Variants in GOSR2 observed in about 807,000 individuals in gnomAD.
GOSR2 encodes the protein golgi SNAP receptor complex member 2, also known as 27 kDa Golgi SNARE protein.
A neutral mutation model predicts 27.9 loss-of-function variants in GOSR2; 20 were observed. The ratio of observed to expected loss-of-function variants is 0.72; its 90% confidence interval spans 0.50 to 1.04. GOSR2 has a LOEUF of 1.04. Among genes scored for constraint, GOSR2 ranks in the 50% least tolerant of loss-of-function variants. The probability of loss-of-function intolerance (pLI) is 0.00; values close to 1 mark genes in which losing one functional copy is unlikely to be tolerated. For synonymous variants in GOSR2, 91 were observed against 98.8 expected, an observed-to-expected ratio of 0.92 and a Z score of 0.47; for missense variants, 261 against 270.5, an observed-to-expected ratio of 0.97 and a Z score of 0.25.
chr17:46,952,629 T>C (rs1042340866), intron 6 of GOSR2: 1 of 152,152 alleles, frequency 6.6e-6, no homozygotes, highest in Non-Finnish European at 1.5e-5. Flanking sequence ...ATGGCTGAGA[T>C]GGAGACATCT....
chr17:46,923,376 C>G, intron 1 of GOSR2, 155 bp downstream of exon 1: 1 of 1,470,340 alleles, frequency 6.8e-7, no homozygotes, highest in Non-Finnish European at 9.0e-7. Flanking sequence ...TAATCCTTGG[C>G]GGGACTCCCA....
Position 46,935,816 on chromosome 17 carries a change from G to T in GOSR2, c.477+647G>T, listed in dbSNP as rs933271498. On this transcript the variant is annotated intron_variant, in intron 5 of 5. Transcript: ENST00000640051. ...TTTACAGAAACATTACACAGACTCT[G>T]ATGTCAGTCATGATGTTTCAGCCTC... The T allele has an allele frequency of 7.1e-6, 7 of 985,950 alleles. No individual in the cohort carries two copies. In the South Asian group the frequency reaches 2.8e-4, roughly 40 times the overall value. 61.1% of individuals were successfully genotyped at this position (985,950 alleles called of 1,614,324 possible). A position where few individuals can be genotyped will look rare whatever the true frequency, so the allele number is the denominator to read the frequency against.
intron 1 of GOSR2, chr17:46,923,841 A>G (rs16941273): frequency 0.023 from 9,034 of 399,076 alleles, 225 homozygotes; most frequent in African/African-American, 0.083. Flanking sequence ...ATCGTCCTGC[A>G]CTTTCGGAAT....
chr17:46,936,431 G>C, intron 5 of GOSR2: 1 of 985,406 alleles, frequency 1.0e-6, no homozygotes, highest in Non-Finnish European at 1.2e-6. Context: ...AAGGCTGTGA[G>C]GTGGCTGGGG....
intron 6 of GOSR2, chr17:46,964,454 T>C (rs2091226844): frequency 6.6e-6 from 1 of 152,210 alleles, no homozygotes; most frequent in Non-Finnish European, 1.5e-5. Flanking sequence ...GAACAGAACA[T>C]GGCCTAGGAG....
intron 5 of GOSR2, chr17:46,935,620 C>G: frequency 1.0e-5 from 11 of 1,053,228 alleles, no homozygotes; most frequent in Non-Finnish European, 1.3e-5. Context: ...TGAATCCCCA[C>G]TGTGCAGTGT....
Position 46,939,397 on chromosome 17 carries a change from G to A in GOSR2, c.*637G>A. 6.0e-6 allele frequency: 6 copies of A among 995,458 alleles called. 1 individual carries two copies. The highest frequency in any genetic ancestry group is 7.2e-6 in the Non-Finnish European group (6 of 834,648). 61.7% of individuals were successfully genotyped at this position (995,458 alleles called of 1,614,324 possible). On this transcript the variant is annotated 3_prime_UTR_variant, in exon 6 of 6. Transcript: ENST00000640051. ...AAGATTTTCCACACTACAGCTGGGT[G>A]TTTCTCTTTTCTAAAGTGAGGCCAG...
chr17:46,950,712 G>C (rs1280616173), intron 6 of GOSR2, among the ~76,000 whole-genome samples: 1 of 152,146 alleles, frequency 6.6e-6, no homozygotes, highest in Non-Finnish European at 1.5e-5. Flanking sequence ...GGCTTGAGAG[G>C]GCAGGGACTG....
intron 6 of GOSR2, among the ~76,000 whole-genome samples, chr17:46,963,282 C>T (rs186791858): frequency 9.8e-5 from 15 of 152,322 alleles, no homozygotes; most frequent in Non-Finnish European, 2.9e-5. Flanking sequence ...CAGTGGCTCA[C>T]GCCTATAATC....
chr17:46,940,835 C>T lies in GOSR2; in HGVS notation c.*2075C>T. 6.9e-7 allele frequency: 1 copy of T among 1,457,990 alleles called. No individual in the cohort carries two copies. Among genetic ancestry groups the T allele is most frequent in the African/African-American group, 1.4e-5 (1 of 71,042 alleles). 90.3% of individuals were successfully genotyped at this position (1,457,990 alleles called of 1,614,324 possible). On this transcript the variant is annotated 3_prime_UTR_variant, in exon 6 of 6. Coordinates refer to ENST00000640051, the MANE Select transcript of GOSR2 (RefSeq NM_004287.5). ...CCACCTGCGGCTGGTGGACAGCAGCCAGTGTGTCTGGACACCCAGGGGCAT... is the reference window on the plus strand; with the variant it reads ...CCACCTGCGGCTGGTGGACAGCAGCTAGTGTGTCTGGACACCCAGGGGCAT...
rs750589437 is a variant in GOSR2 at position 46,923,201 on chromosome 17, C to A, written c.9C>A (p.Pro3=). The part of the protein sequence containing the change: MD[P]LFQQTHKQVH... Reference sequence around the variant, plus strand: ...CCTGCGGGGCCGGCGACATGGATCCCCTGTTCCAGCAAACGCACAAGTGAG... The same window carrying A: ...CCTGCGGGGCCGGCGACATGGATCCACTGTTCCAGCAAACGCACAAGTGAG... Residue 3 remains proline, a synonymous_variant, in exon 1 of 6, where the codon CCC becomes CCA. Coordinates refer to ENST00000640051, the MANE Select transcript of GOSR2 (RefSeq NM_004287.5). 5 of 1,548,502 alleles carry A rather than the reference C, an allele frequency of 3.2e-6. No individual in the cohort carries two copies. The highest frequency in any genetic ancestry group is 3.5e-6 in the Non-Finnish European group (4 of 1,144,326).
At position 46,935,078 on chromosome 17, in the gene GOSR2, C is replaced by T; in HGVS notation, c.386C>T (p.Ser129Phe). The change falls in exon 5 of 6, where the codon TCC (serine) becomes TTC (phenylalanine). Residue 129 changes from serine to phenylalanine, a missense_variant. By Grantham distance (155) the Ser-to-Phe change is radical. Coordinates refer to ENST00000640051, the MANE Select transcript of GOSR2 (RefSeq NM_004287.5). Reference sequence around the variant, plus strand: ...GACGAATCACTGCAGTTTAACTCCTCCCTCCAGAAAGTTCACAACGGCATG... The same window carrying T: ...GACGAATCACTGCAGTTTAACTCCTTCCTCCAGAAAGTTCACAACGGCATG... Reference protein sequence around the residue: ...PMDESLQFNSSLQKVHNGMDD... With the variant: ...PMDESLQFNSFLQKVHNGMDD... The T allele has an allele frequency of 3.1e-6, 5 of 1,611,976 alleles. No individual in the cohort carries two copies. The highest frequency in any genetic ancestry group is 4.2e-6 in the Non-Finnish European group (5 of 1,178,038).
At chr17:46,950,319 G>A (rs2090239793) in intron 6 of GOSR2, among the ~76,000 whole-genome samples, 1 of 152,190 alleles carries the variant, frequency 6.6e-6, no homozygotes, top group Non-Finnish European at 1.5e-5. Context: ...GGAGGAGGCG[G>A]CTGGCTGAGG....
At position 46,923,228 on chromosome 17, in the gene GOSR2, G is replaced by A; in HGVS notation, c.29+7G>A. On this transcript the variant is annotated splice_region_variant and intron_variant, in intron 1 of 5. Transcript: ENST00000640051. Reference sequence around the variant, plus strand: ...TGTTCCAGCAAACGCACAAGTGAGGGCCGGTCGGGGAGCGGGCAGGGGCTA... The same window carrying A: ...TGTTCCAGCAAACGCACAAGTGAGGACCGGTCGGGGAGCGGGCAGGGGCTA... The A allele has an allele frequency of 1.3e-6, 2 of 1,550,996 alleles. No homozygotes were observed. The highest frequency in any genetic ancestry group is 2.4e-5 in the South Asian group (2 of 84,052).
chr17:46,930,957 T>C (rs2087276157), intron 2 of GOSR2, 142 bp from the exon 3 acceptor site: 1 of 656,636 alleles, frequency 1.5e-6, no homozygotes, highest in East Asian at 2.7e-5. Flanking sequence ...TTTTCTGTTA[T>C]TCATTAGTGT....
chr17:46,974,116 G>A (rs2147349352), intron 6 of GOSR2, among the ~76,000 whole-genome samples: 1 of 152,370 alleles, frequency 6.6e-6, no homozygotes, highest in Middle Eastern at 3.4e-3. Flanking sequence ...TGAAGGCACA[G>A]CTGACCCCAG....
intron 1 of GOSR2, among the ~76,000 whole-genome samples, chr17:46,926,209 C>T (rs891312938): frequency 4.6e-5 from 7 of 151,968 alleles, no homozygotes; most frequent in Non-Finnish European, 8.8e-5. Flanking sequence ...CTTTAATGAG[C>T]GAAATGTAAA....
downstream of GOSR2, among the ~76,000 whole-genome samples, chr17:46,946,947 G>A (rs2089955919): frequency 1.3e-5 from 2 of 152,212 alleles, no homozygotes; most frequent in Non-Finnish European, 2.9e-5. Flanking sequence ...AGGGTGGAGA[G>A]CCCACCCAGC....
At chr17:46,975,712 G>T (rs1451342878), downstream of GOSR2, among the ~76,000 whole-genome samples, 1 of 152,136 alleles carries the variant, frequency 6.6e-6, no homozygotes, top group Non-Finnish European at 1.5e-5. Flanking sequence ...GTGCCCACGT[G>T]TGCAGACTTG....
Sources: allele counts gnomAD v4.1 joint callset (sites outside exome capture counted in the v4.1 genomes callset), GRCh38; gene constraint gnomAD v4.1.1; transcripts MANE v1.5; gene names NCBI Gene and HGNC (gene_info 2026-07-23, HGNC 2026-07-21).